RBMS3: variants seen among roughly 807,000 people sequenced by gnomAD.
RBMS3 encodes the protein RNA binding motif single stranded interacting protein 3, also known as RNA-binding motif, single-stranded-interacting protein 3.
Under a neutral mutation model 66.8 loss-of-function variants are expected in RBMS3, and 27 were observed. The ratio of observed to expected loss-of-function variants is 0.40; its 90% confidence interval spans 0.30 to 0.56. RBMS3 has a LOEUF of 0.56. RBMS3 is among the 20% of genes least tolerant of loss of function. RBMS3 has a pLI of 0.40. For missense variants in RBMS3, 513 were observed against 549.5 expected, an observed-to-expected ratio of 0.93 and a Z score of 0.66; for synonymous variants, 188 against 183.0, an observed-to-expected ratio of 1.03 and a Z score of -0.22.
chr3:29,843,340 GAGTTTAA>G, intron 6 of RBMS3, among the ~76,000 whole-genome samples: 1 of 152,282 alleles, frequency 6.6e-6, no homozygotes, highest in African/African-American at 2.4e-5. Context: ...AGTAATATTA[GAGTTTAA>G]AATCTAGAGA....
intron 8 of RBMS3, 77 bp from the exon 9 acceptor site, chr3:29,897,302 A>T: frequency 1.6e-6 from 2 of 1,271,276 alleles, no homozygotes; most frequent in East Asian, 2.3e-5. Flanking sequence ...TCTTTCCCAT[A>T]GGTACTTGAT....
At chr3:29,303,050 C>G (rs909225909) in intron 1 of RBMS3, among the ~76,000 whole-genome samples, 2 of 152,006 alleles carry the variant, frequency 1.3e-5, no homozygotes, top group African/African-American at 4.8e-5. Context: ...CCTAAGGCCT[C>G]AGAGCTAGAG....
At chr3:29,976,470 A>G (rs1329831266) in intron 12 of RBMS3, among the ~76,000 whole-genome samples, 2 of 152,244 alleles carry the variant, frequency 1.3e-5, no homozygotes, top group African/African-American at 4.8e-5. Flanking sequence ...TTATGAATGC[A>G]TACACTGTTA....
At chr3:29,649,851 G>T (rs950373522) in intron 4 of RBMS3, among the ~76,000 whole-genome samples, 10 of 152,116 alleles carry the variant, frequency 6.6e-5, no homozygotes, top group African/African-American at 2.2e-4. Context: ...ACTCAGTATT[G>T]TCTCTCATCA....
chr3:29,299,668 G>C (rs1052831111), intron 1 of RBMS3, among the ~76,000 whole-genome samples: 1 of 151,816 alleles, frequency 6.6e-6, no homozygotes, highest in African/African-American at 2.4e-5. Context: ...CATTTACACT[G>C]TTTTAGGTAT....
chr3:29,305,389 C>A (rs2033938794), intron 1 of RBMS3, among the ~76,000 whole-genome samples: 1 of 151,784 alleles, frequency 6.6e-6, no homozygotes, highest in Non-Finnish European at 1.5e-5. Context: ...TTGTTGTATC[C>A]CAAGAGCTGA....
chr3:29,555,104 G>A (rs2046308619), intron 3 of RBMS3, among the ~76,000 whole-genome samples: 1 of 152,110 alleles, frequency 6.6e-6, no homozygotes, highest in Non-Finnish European at 1.5e-5. Flanking sequence ...CCTTGGGGCT[G>A]TTAAGATAAA....
At chr3:29,739,292 T>G (rs2054520420) in intron 4 of RBMS3, among the ~76,000 whole-genome samples, 1 of 151,748 alleles carries the variant, frequency 6.6e-6, no homozygotes, top group South Asian at 2.1e-4. Context: ...CCGTCTCTAC[T>G]AAAAATACAA....
At chr3:29,420,565 T>G (rs9816136) in intron 1 of RBMS3, among the ~76,000 whole-genome samples, 13,190 of 150,928 alleles carry the variant, frequency 0.087, 1,264 homozygotes, top group African/African-American at 0.24. Flanking sequence ...GGTTTGTTTT[T>G]TTTTGTTTTG....
At chr3:29,415,633 G>C (rs2040447363) in intron 1 of RBMS3, among the ~76,000 whole-genome samples, 3 of 152,260 alleles carry the variant, frequency 2.0e-5, no homozygotes. Flanking sequence ...ACAATTTGGA[G>C]ACAGTTACCT....
intron 4 of RBMS3, among the ~76,000 whole-genome samples, chr3:29,650,409 A>G (rs1474946905): frequency 1.3e-5 from 2 of 151,356 alleles, no homozygotes; most frequent in Admixed American, 6.6e-5. Context: ...TCCTTCCTCA[A>G]CCTTCCAAGT....
intron 4 of RBMS3, among the ~76,000 whole-genome samples, chr3:29,690,582 G>C (rs1043735064): frequency 6.6e-6 from 1 of 152,046 alleles, no homozygotes; most frequent in African/African-American, 2.4e-5. Flanking sequence ...ACTCAGTTTT[G>C]ACAGTATTCA....
At chr3:29,624,144 T>A (rs1040957541) in intron 4 of RBMS3, among the ~76,000 whole-genome samples, 7 of 152,226 alleles carry the variant, frequency 4.6e-5, no homozygotes, top group Non-Finnish European at 1.0e-4. Context: ...CTCTTAGGCA[T>A]GTGTACATGA....
At chr3:29,317,248 G>A (rs544154015) in intron 1 of RBMS3, among the ~76,000 whole-genome samples, 1 of 151,842 alleles carries the variant, frequency 6.6e-6, no homozygotes, top group Non-Finnish European at 1.5e-5. Flanking sequence ...CTATGATAGA[G>A]TTGAGCAATG....
intron 10 of RBMS3, among the ~76,000 whole-genome samples, chr3:29,931,902 T>G (rs1415985403): frequency 6.6e-6 from 1 of 152,218 alleles, no homozygotes; most frequent in East Asian, 1.9e-4. Context: ...TTTTTAAAAT[T>G]CATATATAGT....
intron 5 of RBMS3, among the ~76,000 whole-genome samples, chr3:29,758,273 T>C (rs2055514190): frequency 6.6e-6 from 1 of 152,318 alleles, no homozygotes; most frequent in East Asian, 1.9e-4. Flanking sequence ...GCAATGGAGC[T>C]GCATCTCTTG....
chr3:29,827,034 A>C (rs1241642979), intron 6 of RBMS3, among the ~76,000 whole-genome samples: 1 of 152,116 alleles, frequency 6.6e-6, no homozygotes, highest in Admixed American at 6.6e-5. Context: ...AGAATTTGGA[A>C]TTAGAATAGA....
intron 2 of RBMS3, among the ~76,000 whole-genome samples, chr3:29,442,953 G>A (rs6549943): frequency 0.92 from 139,306 of 152,106 alleles, 63,812 homozygotes; most frequent in Non-Finnish European, 0.93. Context: ...TCTATAAACT[G>A]TCTGCTCTTT....
chr3:29,756,346 T>C (rs762431010), intron 5 of RBMS3, among the ~76,000 whole-genome samples: 3 of 152,078 alleles, frequency 2.0e-5, no homozygotes, highest in Non-Finnish European at 4.4e-5. Flanking sequence ...CATACTTCTA[T>C]GAAGAAATAC....
Sources: allele counts gnomAD v4.1 joint callset (sites outside exome capture counted in the v4.1 genomes callset), GRCh38; gene constraint gnomAD v4.1.1; transcripts MANE v1.5; gene names NCBI Gene and HGNC (gene_info 2026-07-23, HGNC 2026-07-21).